ZSWIM8: variants seen among roughly 807,000 people sequenced by gnomAD.
ZSWIM8 encodes the protein zinc finger SWIM-type containing 8.
ZSWIM8 carries 27 observed loss-of-function variants against 173.7 expected under a neutral mutation model. The observed-to-expected ratio is 0.16, with a 90% confidence interval of 0.11 to 0.21. ZSWIM8 has a LOEUF of 0.21. Ranked by LOEUF, ZSWIM8 falls within the 10% of genes least tolerant of loss-of-function variation. ZSWIM8 has a pLI of 1.00. For synonymous variants in ZSWIM8, 958 were observed against 962.0 expected (o/e 1.00, Z 0.08); for missense variants, 1,627 against 2,428.8 (o/e 0.67, Z 6.94).
In ZSWIM8 at chr10:73,797,616, A is replaced by G. The variant is rs767533625; in HGVS notation, c.3662+11A>G. ...TGTTGAAGTTGGCAGGTCAGTGGGA[A>G]GAACTCCCCATCTTCCCTGATCTGG... is the stretch of plus-strand genomic sequence containing the variant. On this transcript the variant is annotated intron_variant, in intron 18 of 25. Transcript: ENST00000604729. The surrounding 1 kb of genome is among the most constrained non-coding windows in gnomAD (Gnocchi z 5.6). The G allele has an allele frequency of 6.2e-7, 1 of 1,613,348 alleles. No homozygotes were observed.
chr10:73,797,856 C>T lies in ZSWIM8; in HGVS notation c.3738C>T (p.Tyr1246=). ...CATCAGAGGCAGCTGCACACTTCTA[C>T]TTCGAGCTGGCGAAGACAGTGCTGA... is the stretch of plus-strand genomic sequence containing the variant. ...NQPSEAAAHF[Y]FELAKTVLIK... The change falls in exon 19 of 26, where the codon TAC becomes TAT. Residue 1246 remains tyrosine (Y), a synonymous_variant. Coordinates refer to ENST00000604729, the MANE Select transcript of ZSWIM8 (RefSeq NM_001367799.1). This position sits in a 1 kb window ranked among gnomAD's most constrained non-coding sequence, Gnocchi z 5.6. 6.2e-7 allele frequency: 1 copy of T among 1,613,928 alleles called. No homozygotes were observed. Among genetic ancestry groups the T allele is most frequent in the Non-Finnish European group, 8.5e-7 (1 of 1,179,880 alleles).
chr10:73,795,615 A>T lies in ZSWIM8; in HGVS notation c.2985A>T (p.Ala995=). ...CACGTCGGGAGAAGGGTGACCTGGC[A>T]TTAGCACTAATGATCACTTACAAGG... ...EGTRREKGDL[A]LALMITYKDD... The change falls in exon 15 of 26, where the codon GCA becomes GCT. Residue 995 remains alanine (A), a synonymous_variant. Coordinates refer to ENST00000604729, the MANE Select transcript of ZSWIM8 (RefSeq NM_001367799.1). 3.1e-6 allele frequency: 5 copies of T among 1,613,900 alleles called. No homozygotes were observed. The highest frequency in any genetic ancestry group is 3.4e-6 in the Non-Finnish European group (4 of 1,179,874).
chr10:73,794,798 T>A, intron 14 of ZSWIM8, 159 bp downstream of exon 14: 1 of 612,554 alleles, frequency 1.6e-6, no homozygotes, highest in Non-Finnish European at 2.8e-6. Context: ...CAAAAATGTG[T>A]GCTATATGGC....
At chr10:73,799,717 G>A in intron 21 of ZSWIM8, 1 of 680,032 alleles carries the variant, frequency 1.5e-6, no homozygotes, top group Non-Finnish European at 2.4e-6. Flanking sequence ...GATCACTTGA[G>A]GTCAGGAGTT....
Position 73,789,321 on chromosome 10 carries a change from C to T in ZSWIM8, c.458-46C>T. ...CAGGGCCAGGGTCAAGGGCAGAGAC[C>T]CAGGTCCTGACAGCACTCCCTGACC... On this transcript the variant is annotated intron_variant, in intron 3 of 25. Coordinates refer to ENST00000604729, the MANE Select transcript of ZSWIM8 (RefSeq NM_001367799.1). This position sits in a 1 kb window ranked among gnomAD's most constrained non-coding sequence, Gnocchi z 6.8. 5 of 1,563,014 alleles carry T rather than the reference C, an allele frequency of 3.2e-6. No individual in the cohort carries two copies. Among genetic ancestry groups the T allele is most frequent in the Non-Finnish European group, 4.3e-6 (5 of 1,152,516 alleles).
chr10:73,794,419 C>G (rs1163139394), intron 13 of ZSWIM8, 89 bp downstream of exon 13: 3 of 1,566,310 alleles, frequency 1.9e-6, no homozygotes, highest in Non-Finnish European at 2.6e-6. Context: ...TTCTGAATCA[C>G]CTTTAGGACC....
At chr10:73,786,448 T>C (rs550275950) in intron 1 of ZSWIM8, 1 of 233,062 alleles carries the variant, frequency 4.3e-6, no homozygotes, top group Non-Finnish European at 8.3e-6. Context: ...GAGAAGAATC[T>C]TGTCTTTGAC....
intron 15 of ZSWIM8, 77 bp downstream of exon 15, chr10:73,795,740 T>C (rs2083609616): frequency 6.6e-7 from 1 of 1,510,702 alleles, no homozygotes; most frequent in Non-Finnish European, 8.9e-7. Flanking sequence ...GGCAGATGGC[T>C]TGAGCCCAGG....
Position 73,801,646 on chromosome 10 carries a change from G to C in ZSWIM8, c.*127G>C. On this transcript the variant is annotated 3_prime_UTR_variant, in exon 26 of 26. Coordinates refer to ENST00000604729, the MANE Select transcript of ZSWIM8 (RefSeq NM_001367799.1). This position sits in a 1 kb window ranked among gnomAD's most constrained non-coding sequence, Gnocchi z 4.9. The stretch of plus-strand genomic sequence containing the variant: ...AGTTCCCTGGTAGCACAGACTGACA[G>C]CTGCTCTTGGGCTATAGCTTGGGGC... 1.3e-6 allele frequency: 2 copies of C among 1,536,496 alleles called. No homozygotes were observed. The highest frequency in any genetic ancestry group is 1.2e-5 in the South Asian group (1 of 83,326).
rs746928170 is a variant in ZSWIM8 at position 73,792,205 on chromosome 10, G to T, written c.1666G>T (p.Val556Phe). Residue 556 changes from valine (V) to phenylalanine (F), a missense_variant, in exon 10 of 26, where the codon GTC (valine) becomes TTC (phenylalanine). Physicochemically the swap from Val to Phe is conservative, Grantham distance 50 (BLOSUM62 -1). Coordinates refer to ENST00000604729, the MANE Select transcript of ZSWIM8 (RefSeq NM_001367799.1). The surrounding 1 kb of genome is among the most constrained non-coding windows in gnomAD (Gnocchi z 4.3). Reference protein sequence around the residue: ...GTKRKGLGEGVPSSQRGPRRL... With the variant: ...GTKRKGLGEGFPSSQRGPRRL... The stretch of plus-strand genomic sequence containing the variant: ...CAAGCGAAAGGGCTTGGGTGAGGGG[G>T]TCCCCTCATCACAGCGGGGTCCCCG... 1.3e-6 allele frequency: 2 copies of T among 1,538,348 alleles called. No homozygotes were observed. Among genetic ancestry groups the T allele is most frequent in the East Asian group, 2.3e-5 (1 of 44,264 alleles).
In ZSWIM8 at chr10:73,785,846, G is replaced by C. The variant is rs554928595; in HGVS notation, c.-33G>C. The C allele has an allele frequency of 1.2e-5, 17 of 1,474,958 alleles. No individual in the cohort carries two copies. Among genetic ancestry groups the C allele is most frequent in the South Asian group, 2.6e-5 (2 of 75,696 alleles). The allele number at this position is 1,474,958 out of a possible 1,614,324, so 91.4% of individuals were successfully genotyped here. On this transcript the variant is annotated 5_prime_UTR_variant, in exon 1 of 26. Coordinates refer to ENST00000604729, the MANE Select transcript of ZSWIM8 (RefSeq NM_001367799.1). ...CGGCGGCCCAGGCCCCGGATCCGCG[G>C]GGGGGGACCCGGCCCCGGGGGGTGC...
chr10:73,791,138 T>C lies in ZSWIM8; in HGVS notation c.1105T>C (p.Leu369=). 6.2e-7 allele frequency: 1 copy of C among 1,612,994 alleles called. No individual in the cohort carries two copies. The highest frequency in any genetic ancestry group is 1.7e-4 in the Middle Eastern group (1 of 6,054). ...GAGGGACAGCAATGCTGCCCCCTTGTTGGAAATCCTCACTGACCAGTGCCT... is the reference window on the plus strand; with the variant it reads ...GAGGGACAGCAATGCTGCCCCCTTGCTGGAAATCCTCACTGACCAGTGCCT... The part of the protein sequence containing the change: ...KRRDSNAAPL[L]EILTDQCLTY... Residue 369 remains leucine (L), a synonymous_variant, in exon 8 of 26, where the codon TTG becomes CTG. Transcript: ENST00000604729. The surrounding 1 kb of genome is among the most constrained non-coding windows in gnomAD (Gnocchi z 6.0).
Position 73,801,725 on chromosome 10 carries a change from G to A in ZSWIM8, c.*206G>A, listed in dbSNP as rs532423972. 1.2e-5 allele frequency: 18 copies of A among 1,531,062 alleles called. No homozygotes were observed. In the East Asian group the frequency reaches 3.2e-4, roughly 27 times the overall value. The allele number at this position is 1,531,062 out of a possible 1,614,324, so 94.8% of individuals were successfully genotyped here. On this transcript the variant is annotated 3_prime_UTR_variant, in exon 26 of 26. Transcript: ENST00000604729. The surrounding 1 kb of genome is among the most constrained non-coding windows in gnomAD (Gnocchi z 4.9). ...GGCTGGGGGAGACAGCCCTGTCTGGGAGGGGGCGTTGGGTGGCCTCTGGTA... is the reference window on the plus strand; with the variant it reads ...GGCTGGGGGAGACAGCCCTGTCTGGAAGGGGGCGTTGGGTGGCCTCTGGTA...
At position 73,795,535 on chromosome 10, in the gene ZSWIM8, G is replaced by A. The variant is rs370917171; in HGVS notation, c.2909-4G>A. On this transcript the variant is annotated splice_polypyrimidine_tract_variant and splice_region_variant and intron_variant, in intron 14 of 25. Coordinates refer to ENST00000604729, the MANE Select transcript of ZSWIM8 (RefSeq NM_001367799.1). ...CAATCCCCATAAGGTCCTCTTTCTC[G>A]CAGGCATGAAGACAACAGTGAGCGA... The A allele has an allele frequency of 4.1e-5, 66 of 1,613,470 alleles. No homozygotes were observed. Among genetic ancestry groups the A allele is most frequent in the African/African-American group, 9.3e-5 (7 of 74,890 alleles).
In ZSWIM8 at chr10:73,800,751, C is replaced by A. The variant is rs770136044; in HGVS notation, c.5114C>A (p.Ala1705Glu). The change falls in exon 24 of 26, where the codon GCA (alanine) becomes GAA (glutamate). Residue 1705 changes from alanine to glutamate, a missense_variant. Ala to Glu is a moderately radical substitution (Grantham distance 107). Transcript: ENST00000604729. This position sits in a 1 kb window ranked among gnomAD's most constrained non-coding sequence, Gnocchi z 4.1. ...DDVKWLLGLA[A>E]KLGVNYVHQF... ...GTCAAATGGTTGCTGGGGCTGGCAGCAAAGCTGGGTAACACCTCCCCTCCC... is the reference window on the plus strand; with the variant it reads ...GTCAAATGGTTGCTGGGGCTGGCAGAAAAGCTGGGTAACACCTCCCCTCCC... 1 of 1,613,136 alleles carries A rather than the reference C, an allele frequency of 6.2e-7. No individual in the cohort carries two copies.
In ZSWIM8 at chr10:73,796,924, ACCT is replaced by A; in HGVS notation, c.3186_3188del (p.Ser1063del). The stretch of plus-strand genomic sequence containing the variant: ...TGCCCCAGGGGCCCTGCAACCACTG[ACCT>A]CAGGCTCTGCAGGGCCTGCTCAACC... On this transcript the variant is annotated inframe_deletion, in exon 16 of 26. Transcript: ENST00000604729. 2 of 1,613,996 alleles carry A rather than the reference ACCT, an allele frequency of 1.2e-6. No homozygotes were observed. The highest frequency in any genetic ancestry group is 8.5e-7 in the Non-Finnish European group (1 of 1,179,880).
chr10:73,786,349 CGCGCGCGCGT>C (rs951920368), intron 1 of ZSWIM8: 44 of 376,804 alleles, frequency 1.2e-4, no homozygotes, highest in Admixed American at 5.5e-4. Context: ...TGTGTGTGCG[CGCGCGCGCGT>C]GCGCGCGCTG....
At position 73,791,602 on chromosome 10, in the gene ZSWIM8, C is replaced by T; in HGVS notation, c.1319+103C>T. ...GCAGAGACATACCATGATTTTAGTC[C>T]TCGGGAAACGGGAGGTGCTGAGCAC... On this transcript the variant is annotated intron_variant, in intron 9 of 25. Transcript: ENST00000604729. This position sits in a 1 kb window ranked among gnomAD's most constrained non-coding sequence, Gnocchi z 6.0. 7.4e-7 allele frequency: 1 copy of T among 1,344,860 alleles called. No homozygotes were observed. The highest frequency in any genetic ancestry group is 9.9e-7 in the Non-Finnish European group (1 of 1,012,818). 83.3% of individuals were successfully genotyped at this position (1,344,860 alleles called of 1,614,324 possible). A position where few individuals can be genotyped will look rare whatever the true frequency, so the allele number is the denominator to read the frequency against.
Position 73,797,551 on chromosome 10 carries a change from G to T in ZSWIM8, c.3608G>T (p.Ser1203Ile). Residue 1203 changes from serine (S) to isoleucine (I), a missense_variant, in exon 18 of 26, where the codon AGT becomes ATT. By Grantham distance (142) the Ser-to-Ile change is moderately radical (BLOSUM62 -2). Transcript: ENST00000604729. The surrounding 1 kb of genome is among the most constrained non-coding windows in gnomAD (Gnocchi z 5.6). ...CTGGGCTCCTCATCCTCCAGTGGAA[G>T]TCGCCGGGCCAGTGCCAGTGGAGGA... ...DSLGSSSSSG[S>I]RRASASGGAR... 1 of 1,613,974 alleles carries T rather than the reference G, an allele frequency of 6.2e-7. No homozygotes were observed. The highest frequency in any genetic ancestry group is 1.1e-5 in the South Asian group (1 of 91,084).
Sources: allele counts gnomAD v4.1 joint callset, GRCh38; gene constraint gnomAD v4.1.1; non-coding constraint Gnocchi (gnomAD v3.1); transcripts MANE v1.5; gene names NCBI Gene and HGNC (gene_info 2026-07-23, HGNC 2026-07-21).